The following ELK3 variants were observed in gnomAD, a reference collection of about 807,000 sequenced individuals.
ELK3 encodes ETS transcription factor ELK3.
In ELK3, 10 loss-of-function variants were observed where a neutral mutation model predicts 28.9. The observed-to-expected ratio is 0.35, with a 90% CI of 0.21 to 0.59. ELK3 has a LOEUF of 0.59. Among genes scored for constraint, ELK3 ranks in the 20% least tolerant of loss-of-function variants. The probability of loss-of-function intolerance (pLI) is 0.82; values close to 1 mark genes in which losing one functional copy is unlikely to be tolerated. For synonymous variants in ELK3, 272 were observed against 243.5 expected, an observed-to-expected ratio of 1.12 and a Z score of -1.09; for missense variants, 463 against 517.3, an observed-to-expected ratio of 0.90 and a Z score of 1.02.
chr12:96,249,124 A>T (rs1332631948), intron 3 of ELK3, among the ~76,000 whole-genome samples: 1 of 152,236 alleles, frequency 6.6e-6, no homozygotes, highest in Admixed American at 6.5e-5. Flanking sequence ...AATGAGGCAC[A>T]GAGGTAAAGT....
chr12:96,257,839 T>C (rs373214547), intron 3 of ELK3, among the ~76,000 whole-genome samples: 11 of 152,364 alleles, frequency 7.2e-5, no homozygotes, highest in Middle Eastern at 3.4e-3. Flanking sequence ...CTGTATACAG[T>C]TGAGAATTTC....
chr12:96,267,389 G>A lies in ELK3; in HGVS notation c.*209G>A. On this transcript the variant is annotated 3_prime_UTR_variant, in exon 5 of 5. Coordinates refer to ENST00000228741, the MANE Select transcript of ELK3 (RefSeq NM_005230.4). ...TATATGAAAATCTGTTTGGCATTAA[G>A]TGAATTTTAATGTTTTTGTTTTTAT... 4.5e-6 allele frequency: 2 copies of A among 446,346 alleles called. No homozygotes were observed. The highest frequency in any genetic ancestry group is 3.1e-5 in the South Asian group (1 of 32,260). 27.6% of individuals were successfully genotyped at this position (446,346 alleles called of 1,614,324 possible).
At chr12:96,261,183 T>C (rs1210964259) in intron 4 of ELK3, among the ~76,000 whole-genome samples, 1 of 152,178 alleles carries the variant, frequency 6.6e-6, no homozygotes, top group East Asian at 1.9e-4. Flanking sequence ...TTTGTAAGGG[T>C]GGAGCTAAAG....
intron 2 of ELK3, among the ~76,000 whole-genome samples, chr12:96,231,963 T>C (rs886552502): frequency 6.6e-6 from 1 of 152,166 alleles, no homozygotes; most frequent in African/African-American, 2.4e-5. Flanking sequence ...TGTAAAGTGC[T>C]GGCATGGCCA....
In ELK3 at chr12:96,267,279, TGTTAATTTG is replaced by T; in HGVS notation, c.*103_*111del. 1 of 1,047,030 alleles carries T rather than the reference TGTTAATTTG, an allele frequency of 9.6e-7. No individual in the cohort carries two copies. The highest frequency in any genetic ancestry group is 1.4e-6 in the Non-Finnish European group (1 of 733,276). 64.9% of individuals were successfully genotyped at this position (1,047,030 alleles called of 1,614,324 possible). A position where few individuals can be genotyped will look rare whatever the true frequency, so the allele number is the denominator to read the frequency against. On this transcript the variant is annotated 3_prime_UTR_variant, in exon 5 of 5. Transcript: ENST00000228741. ...CGTGAGAAGGACATTGTGAAACTCT[TGTTAATTTG>T]GTTTGCACTTTTCATAACATGGATA...
chr12:96,259,257 A>G (rs1392679583), intron 3 of ELK3, among the ~76,000 whole-genome samples: 1 of 152,200 alleles, frequency 6.6e-6, no homozygotes, highest in East Asian at 1.9e-4. Context: ...ATTAGCATTG[A>G]AGAAAACTAG....
At chr12:96,204,230 T>G (rs1158631265) in intron 1 of ELK3, among the ~76,000 whole-genome samples, 1 of 152,176 alleles carries the variant, frequency 6.6e-6, no homozygotes, top group Non-Finnish European at 1.5e-5. Context: ...TATTAAAGAC[T>G]TCAGTTGATC....
At chr12:96,232,970 T>C (rs979506629) in intron 2 of ELK3, among the ~76,000 whole-genome samples, 2 of 152,102 alleles carry the variant, frequency 1.3e-5, no homozygotes, top group Admixed American at 1.3e-4. Context: ...AGCAAAACTC[T>C]GTCTCTTAAA....
At chr12:96,236,440 G>A (rs749174480) in intron 2 of ELK3, among the ~76,000 whole-genome samples, 6 of 152,196 alleles carry the variant, frequency 3.9e-5, no homozygotes, top group African/African-American at 9.6e-5. Flanking sequence ...GCAGTTTACC[G>A]GTGCCAGAAA....
At chr12:96,224,850 T>G (rs1322670072) in intron 2 of ELK3, among the ~76,000 whole-genome samples, 1 of 152,234 alleles carries the variant, frequency 6.6e-6, no homozygotes, top group African/African-American at 2.4e-5. Context: ...GATTTAAATA[T>G]TAGTTCCTGA....
At position 96,247,863 on chromosome 12, in the gene ELK3, T is replaced by TA. The variant is rs1951871137; in HGVS notation, c.1002+132dup. 5 of 1,197,218 alleles carry TA rather than the reference T, an allele frequency of 4.2e-6. No individual in the cohort carries two copies. The highest frequency in any genetic ancestry group is 5.6e-6 in the Non-Finnish European group (5 of 889,362). The allele number at this position is 1,197,218 out of a possible 1,614,324, so 74.2% of individuals were successfully genotyped here. A position where few individuals can be genotyped will look rare whatever the true frequency, so the allele number is the denominator to read the frequency against. ...TATGACTCGTACCGAGGTCACTGTGTAAATGTGAAGGGAAGCTGCTTTTCC... is the reference window on the plus strand; with the variant it reads ...TATGACTCGTACCGAGGTCACTGTGTAAAATGTGAAGGGAAGCTGCTTTTCC... On this transcript the variant is annotated intron_variant, in intron 3 of 4. Coordinates refer to ENST00000228741, the MANE Select transcript of ELK3 (RefSeq NM_005230.4). This position sits in a 1 kb window ranked among gnomAD's most constrained non-coding sequence, Gnocchi z 5.5.
At position 96,267,295 on chromosome 12, in the gene ELK3, A is replaced by T; in HGVS notation, c.*115A>T. On this transcript the variant is annotated 3_prime_UTR_variant, in exon 5 of 5. Coordinates refer to ENST00000228741, the MANE Select transcript of ELK3 (RefSeq NM_005230.4). ...TGAAACTCTTGTTAATTTGGTTTGC[A>T]CTTTTCATAACATGGATAGTCTAGA... is the stretch of plus-strand genomic sequence containing the variant. The T allele has an allele frequency of 2.5e-6, 2 of 795,814 alleles. No homozygotes were observed. Among genetic ancestry groups the T allele is most frequent in the Non-Finnish European group, 3.9e-6 (2 of 511,932 alleles). 49.3% of individuals were successfully genotyped at this position (795,814 alleles called of 1,614,324 possible). A position where few individuals can be genotyped will look rare whatever the true frequency, so the allele number is the denominator to read the frequency against.
rs538741404 is a variant in ELK3 at position 96,220,248 on chromosome 12, C to T, written c.-2-3317C>T. On this transcript the variant is annotated intron_variant, in intron 1 of 4. Coordinates refer to ENST00000228741, the MANE Select transcript of ELK3 (RefSeq NM_005230.4). ...TTCACCTGTCCTTTTTGTCCTTTTT[C>T]TTTCTTTCTCTCCTTCTACCTTTGC... Among the ~76,000 whole-genome samples the T allele has an allele frequency of 1.1e-4, 16 of 151,754 alleles. No individual in the cohort carries two copies. In the East Asian group the frequency reaches 3.1e-3, roughly 29 times the overall value.
At chr12:96,219,749 T>A (rs368942371) in intron 1 of ELK3, among the ~76,000 whole-genome samples, 1 of 152,074 alleles carries the variant, frequency 6.6e-6, no homozygotes, top group Admixed American at 6.5e-5. Flanking sequence ...GAGTGACTGA[T>A]CTTTGTAGAT....
At chr12:96,246,856 C>A in intron 2 of ELK3, 84 bp from the exon 3 acceptor site, 1 of 1,399,746 alleles carries the variant, frequency 7.1e-7, no homozygotes, top group Non-Finnish European at 9.6e-7. Context: ...GGTGCTTCTG[C>A]CAGCGACATT....
chr12:96,264,378 G>A (rs1952014495), intron 4 of ELK3, among the ~76,000 whole-genome samples: 2 of 152,194 alleles, frequency 1.3e-5, no homozygotes, highest in Admixed American at 1.3e-4. Context: ...TTTTAGAGGT[G>A]AGCTCAAGAG....
At chr12:96,260,265 C>A (rs2137042952) in intron 4 of ELK3, among the ~76,000 whole-genome samples, 1 of 152,094 alleles carries the variant, frequency 6.6e-6, no homozygotes, top group African/African-American at 2.4e-5. Flanking sequence ...GGCAACACAG[C>A]AAGACCCCAT....
At chr12:96,217,994 T>G (rs955302132) in intron 1 of ELK3, among the ~76,000 whole-genome samples, 1 of 151,066 alleles carries the variant, frequency 6.6e-6, no homozygotes, top group Non-Finnish European at 1.5e-5. Context: ...TCACTTTTCC[T>G]CCTCCTCCTT....
At position 96,234,563 on chromosome 12, in the gene ELK3, C is replaced by T. The variant is rs534181627; in HGVS notation, c.207+10790C>T. Reference sequence around the variant, plus strand: ...CCCCACCCCTGCCTGTGCTCCTCCACGGCTCTTCTCAGTTCCTACCCCAAA... The same window carrying T: ...CCCCACCCCTGCCTGTGCTCCTCCATGGCTCTTCTCAGTTCCTACCCCAAA... On this transcript the variant is annotated intron_variant, in intron 2 of 4. Coordinates refer to ENST00000228741, the MANE Select transcript of ELK3 (RefSeq NM_005230.4). Among the ~76,000 whole-genome samples, 848 of 152,318 alleles carry T rather than the reference C, an allele frequency of 5.6e-3. 17 individuals carry two copies. The highest frequency in any genetic ancestry group is 0.019 in the African/African-American group (775 of 41,556).
Sources: allele counts gnomAD v4.1 joint callset (sites outside exome capture counted in the v4.1 genomes callset), GRCh38; gene constraint gnomAD v4.1.1; non-coding constraint Gnocchi (gnomAD v3.1); transcripts MANE v1.5; gene names NCBI Gene and HGNC (gene_info 2026-07-23, HGNC 2026-07-21).